The following LTBP1 variants were observed in gnomAD, a reference collection of about 807,000 sequenced individuals.
LTBP1 encodes the protein latent-transforming growth factor beta-binding protein 1.
LTBP1 carries 129 observed loss-of-function variants against 207.6 expected under a neutral mutation model. The ratio of observed to expected loss-of-function variants is 0.62; its 90% confidence interval spans 0.54 to 0.72. The LOEUF is 0.72. LTBP1 is among the 30% of genes least tolerant of loss of function. LTBP1 has a pLI of 0.00. For missense variants in LTBP1, 2,281 were observed against 2,217.2 expected, an observed-to-expected ratio of 1.03 and a Z score of -0.58; for synonymous variants, 963 against 833.7, an observed-to-expected ratio of 1.16 and a Z score of -2.67.
At chr2:33,249,727 A>G (rs1166297379) in intron 10 of LTBP1, among the ~76,000 whole-genome samples, 4 of 152,180 alleles carry the variant, frequency 2.6e-5, no homozygotes, top group Admixed American at 1.3e-4. Context: ...CCTTTTAGAT[A>G]AAGTATCAGA....
intron 2 of LTBP1, among the ~76,000 whole-genome samples, chr2:32,996,801 G>A (rs219166): frequency 0.029 from 4,373 of 152,260 alleles, 91 homozygotes; most frequent in South Asian, 0.072. Flanking sequence ...GAGCAGAAAT[G>A]TACACCCAGG....
intron 24 of LTBP1, among the ~76,000 whole-genome samples, chr2:33,317,064 T>A (rs2094284969): frequency 6.6e-6 from 1 of 152,244 alleles, no homozygotes; most frequent in African/African-American, 2.4e-5. Flanking sequence ...AATTATTTTG[T>A]CTTTTGCACT....
chr2:33,301,602 G>A lies in LTBP1; in HGVS notation c.3439G>A (p.Asp1147Asn), dbSNP rs769738156. 5 of 1,612,076 alleles carry A rather than the reference G, an allele frequency of 3.1e-6. No individual in the cohort carries two copies. Among genetic ancestry groups the A allele is most frequent in the Admixed American group, 1.7e-5 (1 of 59,598 alleles). ...TGAGGGCTCTTTTCAATGTGTGTGT[G>A]ACCAGGGTTACAGAGCATCTGGGCT... ...NTEGSFQCVC[D>N]QGYRASGLGD... Residue 1147 changes from aspartate (D) to asparagine (N), a missense_variant, in exon 22 of 34, where the codon GAC (aspartate) becomes AAC (asparagine). Transcript: ENST00000404816.
At chr2:32,962,839 T>A (rs184263250) in intron 2 of LTBP1, among the ~76,000 whole-genome samples, 3 of 152,300 alleles carry the variant, frequency 2.0e-5, no homozygotes, top group Non-Finnish European at 4.4e-5. Context: ...AAATGCAAAC[T>A]CTCCAGCCCT....
intron 2 of LTBP1, among the ~76,000 whole-genome samples, chr2:32,993,056 C>T (rs891187307): frequency 6.6e-6 from 1 of 152,010 alleles, no homozygotes; most frequent in Admixed American, 6.6e-5. Flanking sequence ...GGTGGGCCTG[C>T]AGATGGAGAG....
chr2:33,051,668 G>A (rs1463835618), intron 3 of LTBP1, among the ~76,000 whole-genome samples: 2 of 152,196 alleles, frequency 1.3e-5, no homozygotes, highest in Middle Eastern at 3.2e-3. Context: ...TGGGTTCCCA[G>A]TGCTTGTGTT....
chr2:33,397,115 C>T lies in LTBP1; in HGVS notation c.4835-18C>T. On this transcript the variant is annotated intron_variant, in intron 32 of 33. Transcript: ENST00000404816. ...AAGTTGAGAAGCTCTAACTTAGCTT[C>T]TGCCCTTTCCTTTCCAGGTTTTCTA... 6.2e-7 allele frequency: 1 copy of T among 1,611,064 alleles called. No individual in the cohort carries two copies. The highest frequency in any genetic ancestry group is 8.5e-7 in the Non-Finnish European group (1 of 1,177,986).
intron 3 of LTBP1, among the ~76,000 whole-genome samples, chr2:33,075,607 G>T (rs182476418): frequency 6.6e-6 from 1 of 152,270 alleles, no homozygotes; most frequent in African/African-American, 2.4e-5. Context: ...AGAATGATGG[G>T]CTGTAAAATT....
chr2:33,005,061 G>A (rs1262565464), intron 2 of LTBP1, among the ~76,000 whole-genome samples: 1 of 152,040 alleles, frequency 6.6e-6, no homozygotes, highest in Non-Finnish European at 1.5e-5. Flanking sequence ...TGTTCATACA[G>A]CCACAGCTGT....
At chr2:32,950,576 T>G (rs1676949610) in intron 2 of LTBP1, among the ~76,000 whole-genome samples, 2 of 142,822 alleles carry the variant, frequency 1.4e-5, no homozygotes, top group South Asian at 4.4e-4. Flanking sequence ...AAAAAAAAAA[T>G]TACCCAGACA....
intron 26 of LTBP1, among the ~76,000 whole-genome samples, chr2:33,354,379 A>G (rs553133111): frequency 1.8e-4 from 28 of 152,264 alleles, no homozygotes; most frequent in African/African-American, 6.3e-4. Flanking sequence ...TAATGCAAAT[A>G]TTGTAAAAGG....
chr2:32,970,226 G>A (rs927925374), intron 2 of LTBP1, among the ~76,000 whole-genome samples: 1 of 152,074 alleles, frequency 6.6e-6, no homozygotes, highest in African/African-American at 2.4e-5. Flanking sequence ...TCTGTTTACT[G>A]TGTTGATAGT....
In LTBP1 at chr2:33,159,097, A is replaced by G. The variant is rs371729513; in HGVS notation, c.1201+24137A>G. 1.5e-3 allele frequency among the ~76,000 whole-genome samples: 227 copies of G among 152,270 alleles called. 1 individual carries two copies. In the Middle Eastern group the frequency reaches 0.017, roughly 11 times the overall value. The stretch of plus-strand genomic sequence containing the variant: ...AGGGTCTGCCTAATCTCAGCCCTGT[A>G]TGTGCTTCTGTGAGTGAGGGAACAA... On this transcript the variant is annotated intron_variant, in intron 5 of 33. Transcript: ENST00000404816.
intron 15 of LTBP1, among the ~76,000 whole-genome samples, chr2:33,266,118 G>A (rs1212818923): frequency 6.6e-6 from 1 of 152,222 alleles, no homozygotes; most frequent in African/African-American, 2.4e-5. Context: ...AGTGCCTGCT[G>A]TCACTCCTTG....
Position 33,300,519 on chromosome 2 carries a change from A to G in LTBP1, c.3304A>G (p.Arg1102Gly). 6.2e-7 allele frequency: 1 copy of G among 1,613,830 alleles called. No homozygotes were observed. Among genetic ancestry groups the G allele is most frequent in the South Asian group, 1.1e-5 (1 of 91,070 alleles). ...GQCKNTEGSF[R>G]CTCGQGYQLS... ...GTGCAAAAATACCGAGGGCTCCTTCAGGTGCACCTGTGGACAGGGGTACCA... is the reference window on the plus strand; with the variant it reads ...GTGCAAAAATACCGAGGGCTCCTTCGGGTGCACCTGTGGACAGGGGTACCA... Residue 1102 changes from arginine to glycine, a missense_variant, in exon 21 of 34, where the codon AGG becomes GGG. Coordinates refer to ENST00000404816, the MANE Select transcript of LTBP1 (RefSeq NM_206943.4).
At chr2:32,955,937 C>G (rs182929280) in intron 2 of LTBP1, among the ~76,000 whole-genome samples, 2 of 152,196 alleles carry the variant, frequency 1.3e-5, no homozygotes, top group African/African-American at 4.8e-5. Context: ...CAGCAAATAT[C>G]TCAATAAAGT....
chr2:33,069,808 A>G (rs1044587115), intron 3 of LTBP1, among the ~76,000 whole-genome samples: 4 of 152,094 alleles, frequency 2.6e-5, no homozygotes, highest in African/African-American at 9.7e-5. Flanking sequence ...TCTCTGGGTT[A>G]TTTATAGGGA....
Position 32,947,225 on chromosome 2 carries a change from C to G in LTBP1, c.-100C>G. On this transcript the variant is annotated 5_prime_UTR_variant, in exon 1 of 34. Coordinates refer to ENST00000404816, the MANE Select transcript of LTBP1 (RefSeq NM_206943.4). ...CCTCCCGCCTTTCCCGGGCTCTCGG[C>G]AGCTCTCGGGGGAGCCCGAACGCGC... 1.1e-6 allele frequency: 1 copy of G among 931,660 alleles called. No homozygotes were observed. The highest frequency in any genetic ancestry group is 1.4e-6 in the Non-Finnish European group (1 of 722,014). The allele number at this position is 931,660 out of a possible 1,614,324, so 57.7% of individuals were successfully genotyped here.
intron 15 of LTBP1, among the ~76,000 whole-genome samples, chr2:33,265,890 T>A (rs980612934): frequency 3.9e-5 from 6 of 152,218 alleles, no homozygotes; most frequent in Admixed American, 2.0e-4. Flanking sequence ...ATGGAAGAGT[T>A]TGGAGCCTCC....
Sources: gnomAD v4.1 joint callset for allele counts (sites outside exome capture counted in the v4.1 genomes callset) on GRCh38, gnomAD v4.1.1 for gene constraint, MANE v1.5 for transcripts, NCBI Gene and HGNC (gene_info 2026-07-23, HGNC 2026-07-21) for gene names.